Variants in CNTN4 observed in about 807,000 individuals in gnomAD.
CNTN4 encodes contactin 4.
CNTN4 carries 77 observed loss-of-function variants against 122.5 expected under a neutral mutation model. The ratio of observed to expected loss-of-function variants is 0.63; its 90% CI spans 0.52 to 0.76. CNTN4 has a LOEUF of 0.76. Among genes scored for constraint, CNTN4 ranks in the 30% least tolerant of loss-of-function variants. The pLI, the probability that CNTN4 is intolerant of heterozygous loss-of-function variation, is 0.00. For missense variants in CNTN4, 1,256 were observed against 1,259.1 expected (o/e 1.00, Z 0.04); for synonymous variants, 512 against 447.0 (o/e 1.15, Z -1.83).
At chr3:2,479,515 G>A (rs1408232863) in intron 3 of CNTN4, among the ~76,000 whole-genome samples, 1 of 152,178 alleles carries the variant, frequency 6.6e-6, no homozygotes, top group African/African-American at 2.4e-5. Context: ...TGAAACTTAA[G>A]CGGGGAAGGG....
intron 2 of CNTN4, among the ~76,000 whole-genome samples, chr3:2,189,288 G>T (rs2037415662): frequency 2.0e-5 from 3 of 152,102 alleles, no homozygotes; most frequent in South Asian, 4.1e-4. Context: ...ATGTGAGGAG[G>T]TAGGGAGGAA....
At chr3:2,632,098 A>G (rs2082469827) in intron 4 of CNTN4, among the ~76,000 whole-genome samples, 1 of 148,398 alleles carries the variant, frequency 6.7e-6, no homozygotes, top group Admixed American at 6.8e-5. Flanking sequence ...GTGTGTATGT[A>G]TGTATGTATA....
At chr3:2,196,214 G>A (rs1387919159) in intron 2 of CNTN4, among the ~76,000 whole-genome samples, 6 of 152,080 alleles carry the variant, frequency 3.9e-5, no homozygotes, top group Non-Finnish European at 7.4e-5. Context: ...TGTGTTATTT[G>A]GAAAGGACTG....
chr3:2,287,711 GGAAGAAGAA>G (rs56014308), intron 2 of CNTN4, among the ~76,000 whole-genome samples: 718 of 65,292 alleles, frequency 0.011, 20 homozygotes, highest in Middle Eastern at 0.026. Context: ...AAGAAGAAGA[GGAAGAAGAA>G]GAAGAAGAAG....
At chr3:2,178,009 C>G (rs2036833446) in intron 2 of CNTN4, among the ~76,000 whole-genome samples, 1 of 152,152 alleles carries the variant, frequency 6.6e-6, no homozygotes, top group Middle Eastern at 3.4e-3. Context: ...GAATACCCTT[C>G]AAGCCCCAGC....
Position 2,962,207 on chromosome 3 carries a change from T to G in CNTN4, c.1359-26138T>G, listed in dbSNP as rs537077824. Among the ~76,000 whole-genome samples the G allele has an allele frequency of 2.6e-5, 4 of 152,306 alleles. No individual in the cohort carries two copies. The South Asian group carries it at 8.3e-4, about 32-fold the overall frequency. On this transcript the variant is annotated intron_variant, in intron 13 of 24. Coordinates refer to ENST00000418658, the MANE Select transcript of CNTN4 (RefSeq NM_175607.3). ...CAGTAATAGAAACTTCTGTGGAGAA[T>G]TATGCCCCTTAGGGAATTTTTATGT...
Position 2,816,298 on chromosome 3 carries a change from G to A in CNTN4, c.359-3188G>A, listed in dbSNP as rs541069465. ...GAACCCAGGAGGCAGAGCTTGCAAT[G>A]AGCCGAGATCGTGGCACTGCACTCC... On this transcript the variant is annotated intron_variant, in intron 6 of 24. Coordinates refer to ENST00000418658, the MANE Select transcript of CNTN4 (RefSeq NM_175607.3). Among the ~76,000 whole-genome samples the A allele has an allele frequency of 1.2e-3, 178 of 149,368 alleles. 18 individuals carry two copies. The highest frequency in any genetic ancestry group is 4.4e-3 in the African/African-American group (170 of 38,960).
At position 2,422,605 on chromosome 3, in the gene CNTN4, A is replaced by T. The variant is rs1193658307; in HGVS notation, c.-89+83372A>T. Reference sequence around the variant, plus strand: ...ACTGCCAATTCCTTCTTCCCTATAGATTGTTGGTATTTCTGGTCTGGATGG... The same window carrying T: ...ACTGCCAATTCCTTCTTCCCTATAGTTTGTTGGTATTTCTGGTCTGGATGG... On this transcript the variant is annotated intron_variant, in intron 3 of 24. Transcript: ENST00000418658. Among the ~76,000 whole-genome samples the T allele has an allele frequency of 2.0e-5, 3 of 152,108 alleles. No homozygotes were observed. The East Asian group carries it at 5.8e-4, about 29-fold the overall frequency.
intron 2 of CNTN4, among the ~76,000 whole-genome samples, chr3:2,192,271 T>G (rs2037609516): frequency 6.6e-6 from 1 of 152,062 alleles, no homozygotes; most frequent in Admixed American, 6.6e-5. Flanking sequence ...GGTCAAATGG[T>G]ATTTCTAGTT....
chr3:2,862,167 T>A (rs2093677765), intron 7 of CNTN4, among the ~76,000 whole-genome samples: 1 of 152,216 alleles, frequency 6.6e-6, no homozygotes, highest in African/African-American at 2.4e-5. Context: ...AAAACTGACA[T>A]CTTTGCCACT....
chr3:2,360,383 C>G (rs1327423787), intron 3 of CNTN4, among the ~76,000 whole-genome samples: 1 of 152,094 alleles, frequency 6.6e-6, no homozygotes, highest in Non-Finnish European at 1.5e-5. Flanking sequence ...TTAAACAATT[C>G]TATTTCATCT....
chr3:2,724,083 G>A (rs996545086), intron 4 of CNTN4, among the ~76,000 whole-genome samples: 1 of 152,108 alleles, frequency 6.6e-6, no homozygotes, highest in Non-Finnish European at 1.5e-5. Flanking sequence ...GGATACATAG[G>A]GGTTATCTTT....
At chr3:2,128,302 G>A (rs73806305) in intron 2 of CNTN4, among the ~76,000 whole-genome samples, 6,336 of 152,248 alleles carry the variant, frequency 0.042, 165 homozygotes, top group Middle Eastern at 0.1. Flanking sequence ...CATATTTCCA[G>A]AATGGACACA....
chr3:2,795,574 G>A (rs982985937), intron 6 of CNTN4, among the ~76,000 whole-genome samples: 2 of 149,496 alleles, frequency 1.3e-5, no homozygotes, highest in Non-Finnish European at 3.0e-5. Context: ...AGGCTGGAGT[G>A]CGGTGGTGCC....
At chr3:2,309,546 C>T (rs1202497342) in intron 2 of CNTN4, among the ~76,000 whole-genome samples, 1 of 152,032 alleles carries the variant, frequency 6.6e-6, no homozygotes, top group Non-Finnish European at 1.5e-5. Context: ...GTTTCTTCCC[C>T]ATTTCCATCA....
intron 14 of CNTN4, among the ~76,000 whole-genome samples, chr3:3,022,659 T>G (rs543348518): frequency 3.9e-5 from 6 of 152,318 alleles, no homozygotes; most frequent in African/African-American, 1.4e-4. Flanking sequence ...TTATAATCCT[T>G]AGAACAAAGC....
intron 4 of CNTN4, among the ~76,000 whole-genome samples, chr3:2,637,307 A>G (rs1207078379): frequency 2.0e-5 from 3 of 152,116 alleles, no homozygotes; most frequent in Non-Finnish European, 2.9e-5. Flanking sequence ...GTAGAGGTAC[A>G]ATTTGTAAGT....
intron 2 of CNTN4, among the ~76,000 whole-genome samples, chr3:2,164,786 C>T (rs928582992): frequency 6.6e-6 from 1 of 152,004 alleles, no homozygotes; most frequent in Non-Finnish European, 1.5e-5. Context: ...ACAGTTTGCT[C>T]ATGTTTGACG....
At chr3:2,256,106 GAT>G (rs1559384225) in intron 2 of CNTN4, among the ~76,000 whole-genome samples, 1 of 152,064 alleles carries the variant, frequency 6.6e-6, no homozygotes, top group Non-Finnish European at 1.5e-5. Context: ...TGATAAAGGG[GAT>G]ATCACCACTG....
Sources: allele counts gnomAD v4.1 joint callset (sites outside exome capture counted in the v4.1 genomes callset), GRCh38; gene constraint gnomAD v4.1.1; transcripts MANE v1.5; gene names NCBI Gene and HGNC (gene_info 2026-07-23, HGNC 2026-07-21).